The following THOC5 variants were observed in gnomAD, a reference collection of about 807,000 sequenced individuals.
THOC5 encodes THO complex subunit 5, also known as Fms-interacting protein.
Under a neutral mutation model 92.9 loss-of-function variants are expected in THOC5, and 43 were observed. The ratio of observed to expected loss-of-function variants is 0.46; its 90% CI spans 0.36 to 0.60. The LOEUF is 0.60. Among genes scored for constraint, THOC5 ranks in the 20% least tolerant of loss-of-function variants. The probability of loss-of-function intolerance (pLI) is 0.00; values close to 1 mark genes in which losing one functional copy is unlikely to be tolerated. For missense variants in THOC5, 659 were observed against 849.4 expected (o/e 0.78, Z 2.79); for synonymous variants, 296 against 320.1 (o/e 0.92, Z 0.80).
At chr22:29,544,386 G>A (rs1436687364) in intron 3 of THOC5, 74 bp downstream of exon 3, 1 of 1,502,592 alleles carries the variant, frequency 6.7e-7, no homozygotes, top group African/African-American at 1.4e-5. Flanking sequence ...ATCAGGAAGG[G>A]CCCTGGTAGG....
chr22:29,526,898 G>A (rs1268413274), intron 11 of THOC5, among the ~76,000 whole-genome samples: 2 of 152,150 alleles, frequency 1.3e-5, no homozygotes, highest in African/African-American at 2.4e-5. Flanking sequence ...GCAACTAAAT[G>A]CACTTTGAGA....
At chr22:29,550,712 G>A (rs2064124912) in intron 1 of THOC5, 1 of 152,182 alleles carries the variant, frequency 6.6e-6, no homozygotes, top group South Asian at 2.1e-4. Context: ...AATCAAATGA[G>A]AATAACAGTC....
Position 29,545,987 on chromosome 22 carries a change from G to C in THOC5, c.97-1384C>G, listed in dbSNP as rs372953836. Among the ~76,000 whole-genome samples the C allele has an allele frequency of 3.9e-5, 6 of 152,214 alleles. No individual in the cohort carries two copies. The East Asian group carries it at 7.7e-4, about 20-fold the overall frequency. The stretch of plus-strand genomic sequence containing the variant: ...CGCGCCAGCAGCAAACTTTTGCCTG[G>C]GCATCCAGGTGTTTCCGTACATCTT... On this transcript the variant is annotated intron_variant, in intron 2 of 19. Coordinates refer to ENST00000490103, the MANE Select transcript of THOC5 (RefSeq NM_003678.5).
intron 17 of THOC5, among the ~76,000 whole-genome samples, chr22:29,515,028 T>C (rs1436819026): frequency 6.9e-6 from 1 of 144,912 alleles, no homozygotes; most frequent in Non-Finnish European, 1.5e-5. Context: ...TAAATTAAGG[T>C]ATATATATTG....
Position 29,521,096 on chromosome 22 carries a change from G to A in THOC5, c.1179C>T (p.Asp393=). The change falls in exon 13 of 20, where the codon GAC becomes GAT. Residue 393 remains aspartate, a synonymous_variant. Transcript: ENST00000490103. ...MELITPISAG[D]LLSPDSVLSC... is the part of the protein sequence containing the mutation. ...TCAGGACTGAGTCAGGAGACAGCAAGTCACTAGAAAAGGAAAAACAGTAAG... is the reference window on the plus strand; with the variant it reads ...TCAGGACTGAGTCAGGAGACAGCAAATCACTAGAAAAGGAAAAACAGTAAG... The A allele has an allele frequency of 1.9e-6, 3 of 1,612,426 alleles. No individual in the cohort carries two copies. In the South Asian group the frequency reaches 3.3e-5, roughly 18 times the overall value.
intron 9 of THOC5, chr22:29,528,812 T>C: frequency 4.0e-6 from 2 of 499,180 alleles, no homozygotes; most frequent in Non-Finnish European, 7.1e-6. Flanking sequence ...GGGGGTACTA[T>C]GTGCTGAGAA....
In THOC5 at chr22:29,506,339, C is replaced by T. The variant is rs1442400822; in HGVS notation, c.*2118G>A. ...CTATCTTCCCAAGACTTCTCTTAAT[C>T]AAATAATTATATTTTGAGGCACTTT... is the stretch of plus-strand genomic sequence containing the variant. On this transcript the variant is annotated 3_prime_UTR_variant, in exon 20 of 20. Transcript: ENST00000490103. 1 of 152,150 alleles carries T rather than the reference C, an allele frequency of 6.6e-6. No individual in the cohort carries two copies. The highest frequency in any genetic ancestry group is 6.6e-5 in the Admixed American group (1 of 15,256). The allele number at this position is 152,150 out of a possible 1,614,324, so 9.4% of individuals were successfully genotyped here.
At chr22:29,519,183 C>T (rs777721271) in intron 14 of THOC5, 63 bp from the exon 15 acceptor site, 10 of 1,163,476 alleles carry the variant, frequency 8.6e-6, no homozygotes, top group African/African-American at 3.0e-5. Flanking sequence ...GGCACCATCT[C>T]TCTCCTGGGA....
intron 2 of THOC5, among the ~76,000 whole-genome samples, chr22:29,545,720 C>A (rs1360762880): frequency 1.3e-5 from 2 of 152,230 alleles, no homozygotes; most frequent in Non-Finnish European, 2.9e-5. Context: ...GGCAGCTCCA[C>A]CCCTGTGGCT....
At position 29,522,542 on chromosome 22, in the gene THOC5, G is replaced by T. The variant is rs375198532; in HGVS notation, c.1176-1443C>A. Among the ~76,000 whole-genome samples the T allele has an allele frequency of 3.7e-4, 57 of 152,096 alleles. No individual in the cohort carries two copies. In the South Asian group the frequency reaches 0.011, roughly 30 times the overall value. On this transcript the variant is annotated intron_variant, in intron 12 of 19. Transcript: ENST00000490103. ...ACCTGATGAAGGAATCACCTTCTTG[G>T]CAAAATTTATATCTGCAACATATGG...
chr22:29,518,035 T>G (rs751900748), intron 15 of THOC5, among the ~76,000 whole-genome samples: 22 of 152,084 alleles, frequency 1.4e-4, no homozygotes, highest in Non-Finnish European at 2.9e-5. Context: ...TCTTTTTTAT[T>G]TTTTACTTTT....
intron 5 of THOC5, among the ~76,000 whole-genome samples, chr22:29,540,413 ACT>A (rs2063857154): frequency 6.6e-6 from 1 of 152,088 alleles, no homozygotes. Context: ...CCTCACAACA[ACT>A]CTAAGAGGTG....
At chr22:29,525,990 A>G (rs778824415) in intron 11 of THOC5, 44 bp from the exon 12 acceptor site, 6 of 1,362,464 alleles carry the variant, frequency 4.4e-6, no homozygotes, top group Non-Finnish European at 6.1e-6. Flanking sequence ...CAAAACACTC[A>G]GAGCAGAGTG....
chr22:29,525,968 G>T, intron 11 of THOC5, 22 bp from the exon 12 acceptor site: 1 of 1,522,874 alleles, frequency 6.6e-7, no homozygotes, highest in South Asian at 1.1e-5. Flanking sequence ...GAAGATGAGA[G>T]AATTTATGAG....
chr22:29,521,114 A>G lies in THOC5; in HGVS notation c.1176-15T>C, dbSNP rs758898891. The G allele has an allele frequency of 1.1e-5, 18 of 1,592,376 alleles. No homozygotes were observed. The East Asian group carries it at 4.0e-4, about 36-fold the overall frequency. Reference sequence around the variant, plus strand: ...ACAGCAAGTCACTAGAAAAGGAAAAACAGTAAGCAGTGAGAATGCAGCCAA... The same window carrying G: ...ACAGCAAGTCACTAGAAAAGGAAAAGCAGTAAGCAGTGAGAATGCAGCCAA... On this transcript the variant is annotated splice_polypyrimidine_tract_variant and intron_variant, in intron 12 of 19. Coordinates refer to ENST00000490103, the MANE Select transcript of THOC5 (RefSeq NM_003678.5).
chr22:29,514,477 C>T (rs565098051), intron 17 of THOC5, among the ~76,000 whole-genome samples: 147 of 151,300 alleles, frequency 9.7e-4, no homozygotes, highest in Middle Eastern at 3.5e-3. Context: ...CCACCAGGCC[C>T]GGCTAATTTT....
At chr22:29,546,271 A>T (rs975890293) in intron 2 of THOC5, among the ~76,000 whole-genome samples, 1 of 152,130 alleles carries the variant, frequency 6.6e-6, no homozygotes, top group Non-Finnish European at 1.5e-5. Context: ...CTGTGAGGGA[A>T]GGGGCTGCCG....
rs903134504 is a variant in THOC5, at chr22:29,505,995, G to A, written c.*2462C>T. ...CTGCCTCAGCCTCCCGAGTGGCTGG[G>A]ATTACAGGCGCGCACCACCATGCCC... On this transcript the variant is annotated 3_prime_UTR_variant, in exon 20 of 20. Coordinates refer to ENST00000490103, the MANE Select transcript of THOC5 (RefSeq NM_003678.5). 1 of 152,030 alleles carries A rather than the reference G, an allele frequency of 6.6e-6. No individual in the cohort carries two copies. The highest frequency in any genetic ancestry group is 1.5e-5 in the Non-Finnish European group (1 of 68,044). The allele number at this position is 152,030 out of a possible 1,614,324, so 9.4% of individuals were successfully genotyped here. A position where few individuals can be genotyped will look rare whatever the true frequency, so the allele number is the denominator to read the frequency against.
intron 4 of THOC5, 25 bp from the exon 5 acceptor site, chr22:29,542,981 T>G: frequency 6.4e-7 from 1 of 1,569,728 alleles, no homozygotes; most frequent in Non-Finnish European, 8.7e-7. Flanking sequence ...CGATCAGAAG[T>G]GAGCAGGGCA....
Sources: allele counts gnomAD v4.1 joint callset (sites outside exome capture counted in the v4.1 genomes callset), GRCh38; gene constraint gnomAD v4.1.1; transcripts MANE v1.5; gene names NCBI Gene and HGNC (gene_info 2026-07-23, HGNC 2026-07-21).